TCF20: variants seen among roughly 807,000 people sequenced by gnomAD.
TCF20 encodes SPRE-binding protein.
Under a neutral mutation model 148.6 loss-of-function variants are expected in TCF20, and 3 were observed. The observed-to-expected ratio is 0.02, with a 90% CI of 0.01 to 0.05. The LOEUF (loss-of-function observed/expected upper bound fraction) is 0.05. Among genes scored for constraint, TCF20 ranks in the 10% least tolerant of loss-of-function variants. The pLI, the probability that TCF20 is intolerant of heterozygous loss-of-function variation, is 1.00. For synonymous variants in TCF20, 1,049 were observed against 909.5 expected (o/e 1.15, Z -2.76); for missense variants, 2,350 against 2,429.3 (o/e 0.97, Z 0.69).
intron 1 of TCF20, among the ~76,000 whole-genome samples, chr22:42,310,432 G>C (rs1181971462): frequency 1.4e-5 from 2 of 144,910 alleles, no homozygotes; most frequent in Non-Finnish European, 3.0e-5. Context: ...CAGCTCTCTG[G>C]GGGGTTGTGC....
chr22:42,176,373 A>G (rs1012235346), intron 3 of TCF20, among the ~76,000 whole-genome samples: 1 of 81,200 alleles, frequency 1.2e-5, no homozygotes, highest in Admixed American at 1.2e-4. Context: ...GCTGCGCTGG[A>G]AGGAAGGGGG....
intron 1 of TCF20, among the ~76,000 whole-genome samples, chr22:42,327,977 C>G (rs1927904163): frequency 6.6e-6 from 1 of 152,060 alleles, no homozygotes; most frequent in African/African-American, 2.4e-5. Flanking sequence ...TCCTTCCCAT[C>G]ATAGCTCTGG....
intron 3 of TCF20, among the ~76,000 whole-genome samples, chr22:42,171,462 T>G (rs1158841706): frequency 2.0e-5 from 3 of 152,214 alleles, no homozygotes; most frequent in African/African-American, 7.2e-5. Flanking sequence ...CTTTTATATT[T>G]GGCCAGACCT....
upstream of TCF20, among the ~76,000 whole-genome samples, chr22:42,287,991 G>A (rs134902): frequency 0.37 from 56,134 of 152,092 alleles, 11,463 homozygotes; most frequent in South Asian, 0.47. Flanking sequence ...AAGAGCTTTC[G>A]GCAAGTCCAG....
chr22:42,213,315 T>A lies in TCF20; in HGVS notation c.1991A>T (p.Lys664Ile). The A allele has an allele frequency of 6.2e-7, 1 of 1,614,198 alleles. No homozygotes were observed. Among genetic ancestry groups the A allele is most frequent in the Non-Finnish European group, 8.5e-7 (1 of 1,180,028 alleles). Reference sequence around the variant, plus strand: ...GTTGTTATCGCCATTCTTGTTTCCTTTGCTCCCTCCTCCTCCTGGAGGCTC... The same window carrying A: ...GTTGTTATCGCCATTCTTGTTTCCTATGCTCCCTCCTCCTCCTGGAGGCTC... The part of the protein sequence containing the change: ...QPEPPGGGGS[K>I]GNKNGDNNSN... The change falls in exon 2 of 6, where the codon AAA (lysine) becomes ATA (isoleucine). Residue 664 changes from lysine (K) to isoleucine (I), a missense_variant. Around this residue, in one of 7 missense-constraint regions of TCF20, gnomAD observed 1,641 missense variants for 1,662.6 expected, o/e 0.99. Coordinates refer to ENST00000677622, the MANE Select transcript of TCF20 (RefSeq NM_001378418.1).
At position 42,214,059 on chromosome 22, in the gene TCF20, G is replaced by C; in HGVS notation, c.1247C>G (p.Pro416Arg). The change falls in exon 2 of 6, where the codon CCT (proline) becomes CGT (arginine). Residue 416 changes from proline to arginine, a missense_variant. Physicochemically the swap from Pro to Arg is moderately radical, Grantham distance 103. This residue lies in a region of TCF20 where 1,641 missense variants were observed against 1,662.6 expected (regional missense o/e 0.99). Coordinates refer to ENST00000677622, the MANE Select transcript of TCF20 (RefSeq NM_001378418.1). ...CATTGATGGGGTTGGACTGAGTTGA[G>C]GCATTAACTGTAAAATTCTGTTTCT... is the stretch of plus-strand genomic sequence containing the variant. ...GSRNRILQLMPQLSPTPSMMP... is the reference protein window; with the variant it reads ...GSRNRILQLMRQLSPTPSMMP... The C allele has an allele frequency of 6.2e-7, 1 of 1,614,164 alleles. No individual in the cohort carries two copies. The highest frequency in any genetic ancestry group is 8.5e-7 in the Non-Finnish European group (1 of 1,180,038).
chr22:42,203,079 A>G (rs892923122), intron 2 of TCF20, among the ~76,000 whole-genome samples: 1 of 152,186 alleles, frequency 6.6e-6, no homozygotes, highest in Non-Finnish European at 1.5e-5. Context: ...ATTAACATAT[A>G]ATAACTTGTG....
At position 42,214,819 on chromosome 22, in the gene TCF20, C is replaced by G; in HGVS notation, c.487G>C (p.Gly163Arg). ...GCCTGCTGTTGGTACTGAGCACTCCCTGGAGAGAAAGGCCCAGTGTAATCC... is the reference window on the plus strand; with the variant it reads ...GCCTGCTGTTGGTACTGAGCACTCCGTGGAGAGAAAGGCCCAGTGTAATCC... ...QQDYTGPFSP[G>R]SAQYQQQASS... Residue 163 changes from glycine (G) to arginine (R), a missense_variant, in exon 2 of 6, where the codon GGG becomes CGG. Around this residue, in one of 7 missense-constraint regions of TCF20, gnomAD observed 1,641 missense variants for 1,662.6 expected, o/e 0.99. Coordinates refer to ENST00000677622, the MANE Select transcript of TCF20 (RefSeq NM_001378418.1). 1 of 1,614,108 alleles carries G rather than the reference C, an allele frequency of 6.2e-7. No homozygotes were observed. The highest frequency in any genetic ancestry group is 8.5e-7 in the Non-Finnish European group (1 of 1,180,034).
intron 2 of TCF20, among the ~76,000 whole-genome samples, chr22:42,182,541 C>T (rs1285941401): frequency 6.6e-6 from 1 of 152,196 alleles, no homozygotes; most frequent in Non-Finnish European, 1.5e-5. Context: ...ACCTCAACTC[C>T]ACAACCTGGC....
Position 42,299,690 on chromosome 22 carries a change from G to C in TCF20, c.-37+43789C>G, listed in dbSNP as rs1201879631. Reference sequence around the variant, plus strand: ...ACCCCAACACTTCAAGACCTCCTAGGAGTGACCTGGCTGGGGTCTCTCTAG... The same window carrying C: ...ACCCCAACACTTCAAGACCTCCTAGCAGTGACCTGGCTGGGGTCTCTCTAG... On this transcript the variant is annotated intron_variant, in intron 1 of 1. Coordinates refer to the TCF20 transcript ENST00000515426. This position sits in a 1 kb window ranked among gnomAD's most constrained non-coding sequence, Gnocchi z 4.1. 6.6e-6 allele frequency among the ~76,000 whole-genome samples: 1 copy of C among 152,102 alleles called. No individual in the cohort carries two copies. The highest frequency in any genetic ancestry group is 1.5e-5 in the Non-Finnish European group (1 of 68,004).
At position 42,192,945 on chromosome 22, in the gene TCF20, C is replaced by T. The variant is rs565957709; in HGVS notation, c.5656-13243G>A. Among the ~76,000 whole-genome samples the T allele has an allele frequency of 7.4e-4, 112 of 152,278 alleles. 2 individuals carry two copies. In the South Asian group the frequency reaches 0.018, roughly 25 times the overall value. Reference sequence around the variant, plus strand: ...CTCTGCCACCTGCACCAGCATGGTCCTAAGCTTGAGTTAAAAAACACAGAC... The same window carrying T: ...CTCTGCCACCTGCACCAGCATGGTCTTAAGCTTGAGTTAAAAAACACAGAC... On this transcript the variant is annotated intron_variant, in intron 2 of 5. Coordinates refer to ENST00000677622, the MANE Select transcript of TCF20 (RefSeq NM_001378418.1).
chr22:42,190,880 C>T (rs1438292436), intron 2 of TCF20, among the ~76,000 whole-genome samples: 1 of 152,204 alleles, frequency 6.6e-6, no homozygotes, highest in Non-Finnish European at 1.5e-5. Flanking sequence ...GTAATTATCA[C>T]ACATGGTATG....
chr22:42,164,291 TG>T (rs1935646183), intron 5 of TCF20, among the ~76,000 whole-genome samples: 1 of 147,532 alleles, frequency 6.8e-6, no homozygotes, highest in Non-Finnish European at 1.5e-5. Flanking sequence ...CTCAGCTCAC[TG>T]CAAGCTCCAC....
chr22:42,293,487 A>G (rs1927169997), intron 1 of TCF20, among the ~76,000 whole-genome samples: 1 of 152,234 alleles, frequency 6.6e-6, no homozygotes, highest in Non-Finnish European at 1.5e-5. Flanking sequence ...TCATTCCACA[A>G]ATGAGAGTCT....
intron 2 of TCF20, among the ~76,000 whole-genome samples, chr22:42,208,761 T>A (rs923059469): frequency 6.6e-6 from 1 of 152,080 alleles, no homozygotes; most frequent in Non-Finnish European, 1.5e-5. Flanking sequence ...ATGCCTTATA[T>A]TAACAGGAAT....
In TCF20 at chr22:42,213,462, C is replaced by A. The variant is rs766549069; in HGVS notation, c.1844G>T (p.Gly615Val). Residue 615 changes from glycine (G) to valine (V), a missense_variant, in exon 2 of 6, where the codon GGT becomes GTT. Transcript: ENST00000677622. Reference protein sequence around the residue: ...GVIVSREAMTGRVEKPGGQDK... With the variant: ...GVIVSREAMTVRVEKPGGQDK... The stretch of plus-strand genomic sequence containing the variant: ...TTGTCCACCAGGCTTTTCTACCCGA[C>A]CTGTCATGGCTTCCCGGGAGACAAT... The A allele has an allele frequency of 3.1e-6, 5 of 1,614,076 alleles. No homozygotes were observed. Among genetic ancestry groups the A allele is most frequent in the Middle Eastern group, 1.6e-4 (1 of 6,084 alleles).
In TCF20 at chr22:42,214,560, G is replaced by A; in HGVS notation, c.746C>T (p.Ser249Leu). 6.2e-7 allele frequency: 1 copy of A among 1,614,184 alleles called. No individual in the cohort carries two copies. Among genetic ancestry groups the A allele is most frequent in the Non-Finnish European group, 8.5e-7 (1 of 1,180,050 alleles). Residue 249 changes from serine (S) to leucine (L), a missense_variant, in exon 2 of 6, where the codon TCA becomes TTA. Around this residue, in one of 7 missense-constraint regions of TCF20, gnomAD observed 1,641 missense variants for 1,662.6 expected, o/e 0.99. Transcript: ENST00000677622. ...ASSSSSSSFP[S>L]PQRFSQSGQS... The stretch of plus-strand genomic sequence containing the variant: ...TCCAGACTGGCTAAAACGCTGTGGT[G>A]AAGGGAAGGAGGAGGAGGAGGAGGA...
At position 42,210,628 on chromosome 22, in the gene TCF20, G is replaced by T; in HGVS notation, c.4678C>A (p.Pro1560Thr). 6.2e-7 allele frequency: 1 copy of T among 1,614,198 alleles called. No homozygotes were observed. The highest frequency in any genetic ancestry group is 8.5e-7 in the Non-Finnish European group (1 of 1,180,040). Residue 1560 changes from proline to threonine, a missense_variant, in exon 2 of 6, where the codon CCC (proline) becomes ACC (threonine). Around this residue, in one of 7 missense-constraint regions of TCF20, gnomAD observed 374 missense variants for 398.3 expected, o/e 0.94. Transcript: ENST00000677622. This position sits in a 1 kb window ranked among gnomAD's most constrained non-coding sequence, Gnocchi z 4.7. Reference protein sequence around the residue: ...QKKQQQPPPPPPQPPQIPEGS... With the variant: ...QKKQQQPPPPTPQPPQIPEGS... ...TCTGGTATCTGTGGGGGCTGAGGGG[G>T]TGGAGGCGGTGGCTGCTGCTGTTTC...
chr22:42,168,693 G>C lies in TCF20; in HGVS notation c.5843C>G (p.Ala1948Gly), dbSNP rs758164737. Reference protein sequence around the residue: ...CPLPPLQNKTAKGSLSTEQSE... With the variant: ...CPLPPLQNKTGKGSLSTEQSE... Reference sequence around the variant, plus strand: ...CTGCTCTGTGCTGAGGCTGCCTTTCGCGGTCTTGTTCTGCAAGGGGGGGAG... The same window carrying C: ...CTGCTCTGTGCTGAGGCTGCCTTTCCCGGTCTTGTTCTGCAAGGGGGGGAG... The change falls in exon 5 of 6, where the codon GCG (alanine) becomes GGG (glycine). Residue 1948 changes from alanine to glycine, a missense_variant. Physicochemically the swap from Ala to Gly is moderately conservative, Grantham distance 60. Transcript: ENST00000677622. The C allele has an allele frequency of 6.3e-5, 102 of 1,610,824 alleles. No homozygotes were observed. The Middle Eastern group carries it at 8.2e-4, about 13-fold the overall frequency.
Sources: allele counts gnomAD v4.1 joint callset (sites outside exome capture counted in the v4.1 genomes callset), GRCh38; gene constraint gnomAD v4.1.1; regional missense constraint gnomAD v4.1.1; non-coding constraint Gnocchi (gnomAD v3.1); transcripts MANE v1.5; gene names NCBI Gene and HGNC (gene_info 2026-07-23, HGNC 2026-07-21).